Variants in DNAJC24 observed in about 807,000 individuals in gnomAD.
DNAJC24 encodes dnaJ homolog subfamily C member 24.
Under a neutral mutation model 18.0 loss-of-function variants are expected in DNAJC24, and 17 were observed. The ratio of observed to expected loss-of-function variants is 0.94; its 90% CI spans 0.65 to 1.42. The LOEUF is 1.42. Ranked by LOEUF, DNAJC24 falls within the 40% of genes most tolerant of loss-of-function variation. The pLI, the probability that DNAJC24 is intolerant of heterozygous loss-of-function variation, is 0.00. For synonymous variants in DNAJC24, 55 were observed against 57.7 expected (o/e 0.95, Z 0.21); for missense variants, 158 against 175.6 (o/e 0.90, Z 0.57).
intron 2 of DNAJC24, among the ~76,000 whole-genome samples, chr11:31,402,089 G>A (rs552749956): frequency 1.6e-4 from 24 of 152,268 alleles, no homozygotes; most frequent in East Asian, 1.9e-4. Flanking sequence ...GTGCACTTAC[G>A]TAAGCCATCC....
chr11:31,406,358 C>T (rs1952658589), intron 2 of DNAJC24, among the ~76,000 whole-genome samples: 1 of 152,152 alleles, frequency 6.6e-6, no homozygotes. Flanking sequence ...ATGTTGCTGA[C>T]TAAAATCAGT....
intron 3 of DNAJC24, among the ~76,000 whole-genome samples, chr11:31,418,141 T>G (rs1378154206): frequency 6.6e-6 from 1 of 152,132 alleles, no homozygotes; most frequent in Non-Finnish European, 1.5e-5. Flanking sequence ...TAGTTCTAGT[T>G]GGCATATTAA....
Position 31,423,553 on chromosome 11 carries a change from GC to G in DNAJC24, c.251-2732del, listed in dbSNP as rs553896181. ...TGGGATTACAGGCATAAGCCACAGT[GC>G]CTGACCTGGAAAGCCTCTTATGACT... On this transcript the variant is annotated intron_variant, in intron 3 of 4. Coordinates refer to ENST00000465995, the MANE Select transcript of DNAJC24 (RefSeq NM_181706.5). 3.3e-4 allele frequency among the ~76,000 whole-genome samples: 51 copies of G among 152,302 alleles called. No individual in the cohort carries two copies. In the East Asian group the frequency reaches 7.5e-3, roughly 23 times the overall value.
chr11:31,375,031 G>A (rs1952299687), intron 2 of DNAJC24, among the ~76,000 whole-genome samples: 5 of 134,072 alleles, frequency 3.7e-5, no homozygotes, highest in African/African-American at 1.3e-4. Context: ...ATGAAAGTGT[G>A]AGCCAGTTGC....
intron 2 of DNAJC24, among the ~76,000 whole-genome samples, chr11:31,394,519 CTG>C (rs1952527077): frequency 6.6e-6 from 1 of 151,304 alleles, no homozygotes; most frequent in Non-Finnish European, 1.5e-5. Context: ...TTCCACCACA[CTG>C]TTTTTTTTTC....
intron 3 of DNAJC24, among the ~76,000 whole-genome samples, chr11:31,425,950 CAAACA>C (rs1322764387): frequency 2.0e-5 from 3 of 152,050 alleles, no homozygotes; most frequent in South Asian, 2.1e-4. Context: ...GACAAACAAA[CAAACA>C]AAAAACATTT....
chr11:31,387,899 T>C (rs546000116), intron 2 of DNAJC24, among the ~76,000 whole-genome samples: 53 of 152,224 alleles, frequency 3.5e-4, no homozygotes, highest in Admixed American at 7.2e-4. Context: ...CAAATAAATT[T>C]AACAGAAAGA....
At chr11:31,409,444 T>C (rs1214647407) in intron 2 of DNAJC24, among the ~76,000 whole-genome samples, 1 of 152,234 alleles carries the variant, frequency 6.6e-6, no homozygotes, top group African/African-American at 2.4e-5. Flanking sequence ...TTTTGGTTTC[T>C]GTCGCCACAG....
At chr11:31,417,784 T>C (rs1399313980) in intron 3 of DNAJC24, among the ~76,000 whole-genome samples, 10 of 152,046 alleles carry the variant, frequency 6.6e-5, no homozygotes, top group Non-Finnish European at 2.9e-5. Context: ...CATAGCTCCA[T>C]GTTGGTGCTC....
chr11:31,417,333 A>C (rs1435657946), intron 3 of DNAJC24: 2 of 152,072 alleles, frequency 1.3e-5, no homozygotes, highest in African/African-American at 4.8e-5. Flanking sequence ...CTACTTTCAT[A>C]TTGTTATTTC....
chr11:31,417,418 C>T (rs879844552), intron 3 of DNAJC24: 7 of 152,000 alleles, frequency 4.6e-5, no homozygotes, highest in Non-Finnish European at 1.0e-4. Context: ...AGGAAATGAA[C>T]TTGAACATCT....
chr11:31,417,966 A>G (rs1331019597), intron 3 of DNAJC24, among the ~76,000 whole-genome samples: 1 of 152,128 alleles, frequency 6.6e-6, no homozygotes, highest in Non-Finnish European at 1.5e-5. Flanking sequence ...AAAGTATTGC[A>G]TGTATGTTTT....
chr11:31,393,525 C>A (rs1257351209), intron 2 of DNAJC24, among the ~76,000 whole-genome samples: 1 of 152,088 alleles, frequency 6.6e-6, no homozygotes, highest in Non-Finnish European at 1.5e-5. Flanking sequence ...GGATTGGGGC[C>A]ATTAGAAAAG....
chr11:31,403,141 G>A (rs1037219671), intron 2 of DNAJC24, among the ~76,000 whole-genome samples: 3 of 151,936 alleles, frequency 2.0e-5, no homozygotes, highest in Non-Finnish European at 4.4e-5. Context: ...GTGTGTGTGT[G>A]TGTGTGTGTG....
chr11:31,427,649 CCTT>C (rs1183032381), intron 4 of DNAJC24: 1 of 151,662 alleles, frequency 6.6e-6, no homozygotes, highest in Non-Finnish European at 1.5e-5. Context: ...TAGTTTGTCT[CCTT>C]ATCTATTGGT....
intron 3 of DNAJC24, chr11:31,417,057 A>C (rs1952757093): frequency 1.3e-5 from 2 of 152,106 alleles, no homozygotes; most frequent in South Asian, 4.1e-4. Flanking sequence ...GAATTTATAC[A>C]ATATCAGTTT....
intron 3 of DNAJC24, among the ~76,000 whole-genome samples, chr11:31,420,284 C>A (rs1952791138): frequency 6.6e-6 from 1 of 152,020 alleles, no homozygotes; most frequent in South Asian, 2.1e-4. Flanking sequence ...GTTCAAGGTT[C>A]AACTTAGGTC....
At chr11:31,417,905 A>G (rs951288934) in intron 3 of DNAJC24, among the ~76,000 whole-genome samples, 3 of 152,086 alleles carry the variant, frequency 2.0e-5, no homozygotes, top group African/African-American at 7.2e-5. Flanking sequence ...AGAAATGATC[A>G]TATGTGTTCT....
chr11:31,406,196 T>A (rs1305241565), intron 2 of DNAJC24, among the ~76,000 whole-genome samples: 1 of 152,160 alleles, frequency 6.6e-6, no homozygotes, highest in East Asian at 1.9e-4. Context: ...TGAAGGGAGA[T>A]CATTGGGCTG....
Sources: allele counts gnomAD v4.1 joint callset (sites outside exome capture counted in the v4.1 genomes callset), GRCh38; gene constraint gnomAD v4.1.1; transcripts MANE v1.5; gene names NCBI Gene and HGNC (gene_info 2026-07-23, HGNC 2026-07-21).